The following SEMA3A variants were observed in gnomAD, a reference collection of about 807,000 sequenced individuals.
The protein encoded by SEMA3A is semaphorin-3A.
SEMA3A carries 29 observed loss-of-function variants against 97.9 expected under a neutral mutation model. The observed-to-expected ratio is 0.30, with a 90% CI of 0.22 to 0.40. SEMA3A has a LOEUF of 0.40. SEMA3A is among the 10% of genes least tolerant of loss of function. SEMA3A has a pLI of 1.00. For missense variants in SEMA3A, 763 were observed against 951.3 expected, an observed-to-expected ratio of 0.80 and a Z score of 2.60; for synonymous variants, 321 against 323.7, an observed-to-expected ratio of 0.99 and a Z score of 0.09.
At chr7:83,963,383 T>C (rs1462813827) in intron 15 of SEMA3A, 36 bp from the exon 16 acceptor site, 2 of 1,582,810 alleles carry the variant, frequency 1.3e-6, no homozygotes, top group East Asian at 4.5e-5. Context: ...GAGAAAATAT[T>C]AGAGAAGTAA....
Position 84,194,678 on chromosome 7 carries a change from A to G in SEMA3A, c.-92T>C. 1.3e-6 allele frequency: 1 copy of G among 783,100 alleles called. No individual in the cohort carries two copies. The highest frequency in any genetic ancestry group is 1.6e-5 in the South Asian group (1 of 64,416). 48.5% of individuals were successfully genotyped at this position (783,100 alleles called of 1,614,324 possible). On this transcript the variant is annotated 5_prime_UTR_variant, in exon 1 of 17. Coordinates refer to ENST00000265362, the MANE Select transcript of SEMA3A (RefSeq NM_006080.3). ...TCAAACAATCTGGAAACTGGAGGTA[A>G]CAGGTGATTTAGGTCAGTTTCATTC...
chr7:84,299,320 A>G (rs1376337988), intron 3 of SEMA3A, among the ~76,000 whole-genome samples: 97 of 134,256 alleles, frequency 7.2e-4, no homozygotes, highest in East Asian at 1.5e-3. Context: ...ATATATATAT[A>G]TATCTCCATA....
chr7:84,405,703 C>T (rs1008832560), intron 1 of SEMA3A, among the ~76,000 whole-genome samples: 5 of 152,284 alleles, frequency 3.3e-5, no homozygotes, highest in African/African-American at 1.2e-4. Flanking sequence ...GTCTCTCAGA[C>T]CACAGTGCAA....
chr7:84,140,616 G>T (rs1181009367), intron 1 of SEMA3A, among the ~76,000 whole-genome samples: 1 of 152,054 alleles, frequency 6.6e-6, no homozygotes, highest in Non-Finnish European at 1.5e-5. Flanking sequence ...GTAGTCAAAG[G>T]CTGGGTCTAT....
At chr7:84,357,065 G>A (rs906436713) in intron 2 of SEMA3A, among the ~76,000 whole-genome samples, 1 of 150,798 alleles carries the variant, frequency 6.6e-6, no homozygotes, top group Non-Finnish European at 1.5e-5. Context: ...AAATAAGTTG[G>A]CACATTTTTC....
intron 6 of SEMA3A, among the ~76,000 whole-genome samples, chr7:84,016,639 C>G (rs892560366): frequency 2.6e-5 from 4 of 151,948 alleles, no homozygotes; most frequent in Non-Finnish European, 1.5e-5. Context: ...CGTCTCTGAG[C>G]TCAGATGCAT....
In SEMA3A at chr7:84,110,567, T is replaced by G; in HGVS notation, c.356A>C (p.Lys119Thr). 1 of 1,613,808 alleles carries G rather than the reference T, an allele frequency of 6.2e-7. No homozygotes were observed. The highest frequency in any genetic ancestry group is 8.5e-7 in the Non-Finnish European group (1 of 1,179,836). ...DILKECANFIKVLKAYNQTHL... is the reference protein window; with the variant it reads ...DILKECANFITVLKAYNQTHL... ...AGTCTGATTATATGCCTTAAGTACC[T>G]TGATGAAATTAGCACATTCTTTCTG... is the stretch of plus-strand genomic sequence containing the variant. Residue 119 changes from lysine to threonine, a missense_variant, in exon 4 of 17, where the codon AAG becomes ACG. Lys to Thr is a moderately conservative substitution (Grantham distance 78). Coordinates refer to ENST00000265362, the MANE Select transcript of SEMA3A (RefSeq NM_006080.3).
intron 1 of SEMA3A, among the ~76,000 whole-genome samples, chr7:84,189,359 T>C (rs1797974321): frequency 1.3e-5 from 2 of 151,840 alleles, no homozygotes; most frequent in Non-Finnish European, 3.0e-5. Context: ...TGTTGGATAA[T>C]GATCAATTCA....
chr7:84,337,497 C>G (rs984682617), intron 2 of SEMA3A, among the ~76,000 whole-genome samples: 1 of 152,152 alleles, frequency 6.6e-6, no homozygotes, highest in African/African-American at 2.4e-5. Context: ...TTGCATTCAT[C>G]TGGCAGTGTT....
chr7:84,381,978 G>A (rs778952553), intron 1 of SEMA3A, among the ~76,000 whole-genome samples: 1 of 152,148 alleles, frequency 6.6e-6, no homozygotes, highest in Non-Finnish European at 1.5e-5. Flanking sequence ...TTGAGGGTAG[G>A]AGCCCAGGTG....
At chr7:84,218,975 A>T (rs1181852106) in intron 3 of SEMA3A, among the ~76,000 whole-genome samples, 1 of 152,126 alleles carries the variant, frequency 6.6e-6, no homozygotes, top group Non-Finnish European at 1.5e-5. Context: ...TTTATTTACA[A>T]AGGAAATATT....
chr7:84,220,914 C>T (rs1798863541), intron 3 of SEMA3A, among the ~76,000 whole-genome samples: 1 of 152,098 alleles, frequency 6.6e-6, no homozygotes, highest in Non-Finnish European at 1.5e-5. Flanking sequence ...GCTATATTAG[C>T]TTCTAACAAG....
chr7:84,397,874 G>C (rs568544821), intron 1 of SEMA3A, among the ~76,000 whole-genome samples: 4 of 152,078 alleles, frequency 2.6e-5, no homozygotes, highest in African/African-American at 9.7e-5. Context: ...CTGGGAGAGT[G>C]ACAAATAGGC....
At chr7:84,486,717 T>C (rs556471380) in intron 1 of SEMA3A, among the ~76,000 whole-genome samples, 56 of 152,178 alleles carry the variant, frequency 3.7e-4, no homozygotes, top group Non-Finnish European at 6.9e-4. Context: ...CTTCTCTTTA[T>C]AGAGAATTTT....
intron 1 of SEMA3A, among the ~76,000 whole-genome samples, chr7:84,413,224 A>G (rs1201709875): frequency 6.6e-6 from 1 of 152,146 alleles, no homozygotes; most frequent in Non-Finnish European, 1.5e-5. Context: ...TTCTATTGCC[A>G]TAGCCTCTCT....
intron 1 of SEMA3A, among the ~76,000 whole-genome samples, chr7:84,401,088 G>T (rs1803888859): frequency 6.6e-6 from 1 of 152,138 alleles, no homozygotes; most frequent in Non-Finnish European, 1.5e-5. Flanking sequence ...AATTGTCCTT[G>T]CAGATGACAT....
intron 2 of SEMA3A, among the ~76,000 whole-genome samples, chr7:84,324,557 C>A (rs1298568851): frequency 6.6e-6 from 1 of 151,946 alleles, no homozygotes; most frequent in African/African-American, 2.4e-5. Context: ...TGATAGATAG[C>A]AAAATGGTAA....
chr7:84,100,169 G>T (rs1487416295), intron 4 of SEMA3A, among the ~76,000 whole-genome samples: 1 of 151,920 alleles, frequency 6.6e-6, no homozygotes, highest in Non-Finnish European at 1.5e-5. Context: ...GAATAAGATG[G>T]CCTTTGTTTA....
At chr7:84,394,823 C>G (rs1803682160) in intron 1 of SEMA3A, among the ~76,000 whole-genome samples, 1 of 152,006 alleles carries the variant, frequency 6.6e-6, no homozygotes, top group African/African-American at 2.4e-5. Flanking sequence ...TAAAATGTAA[C>G]AAATATATTT....
Sources: gnomAD v4.1 joint callset for allele counts (sites outside exome capture counted in the v4.1 genomes callset) on GRCh38, gnomAD v4.1.1 for gene constraint, MANE v1.5 for transcripts, NCBI Gene and HGNC (gene_info 2026-07-23, HGNC 2026-07-21) for gene names.